The following DNAJC3 variants were observed in gnomAD, a reference collection of about 807,000 sequenced individuals.
DNAJC3 encodes the protein dnaJ homolog subfamily C member 3.
A neutral mutation model predicts 68.6 loss-of-function variants in DNAJC3; 38 were observed. The ratio of observed to expected loss-of-function variants is 0.55; its 90% CI spans 0.43 to 0.73. The LOEUF is 0.73. DNAJC3 is among the 30% of genes least tolerant of loss of function. DNAJC3 has a pLI of 0.00. For missense variants in DNAJC3, 526 were observed against 591.9 expected, an observed-to-expected ratio of 0.89 and a Z score of 1.16; for synonymous variants, 203 against 204.0, an observed-to-expected ratio of 1.00 and a Z score of 0.04.
At chr13:95,762,087 A>G (rs1882841724) in intron 7 of DNAJC3, among the ~76,000 whole-genome samples, 1 of 152,100 alleles carries the variant, frequency 6.6e-6, no homozygotes, top group Admixed American at 6.5e-5. Context: ...ACACGGAGAA[A>G]CCCTGTCTCT....
intron 9 of DNAJC3, among the ~76,000 whole-genome samples, chr13:95,764,681 T>TATATATATATAC (rs1882930555): frequency 9.1e-6 from 1 of 110,044 alleles, no homozygotes; most frequent in Non-Finnish European, 1.7e-5. Context: ...TATATATATA[T>TATATATATATAC]ATACACACAC....
chr13:95,687,891 A>G (rs899611466), intron 1 of DNAJC3, among the ~76,000 whole-genome samples: 1 of 152,178 alleles, frequency 6.6e-6, no homozygotes. Flanking sequence ...AATGATATTG[A>G]TTCTTCCAAC....
intron 9 of DNAJC3, among the ~76,000 whole-genome samples, chr13:95,767,440 G>A (rs1331351217): frequency 6.6e-6 from 1 of 152,156 alleles, no homozygotes; most frequent in Non-Finnish European, 1.5e-5. Flanking sequence ...GAACGTTTGT[G>A]TTGTTTCTGC....
intron 9 of DNAJC3, among the ~76,000 whole-genome samples, chr13:95,770,100 C>T (rs1021240232): frequency 1.3e-5 from 2 of 152,100 alleles, no homozygotes; most frequent in African/African-American, 4.8e-5. Flanking sequence ...TTGCCTCTCC[C>T]AGCAGTGACA....
At chr13:95,725,771 C>T (rs1283419697) in intron 4 of DNAJC3, among the ~76,000 whole-genome samples, 1 of 149,810 alleles carries the variant, frequency 6.7e-6, no homozygotes, top group African/African-American at 2.5e-5. Flanking sequence ...TGTGCTGCAC[C>T]CATTAACTCG....
intron 1 of DNAJC3, 79 bp downstream of exon 1, chr13:95,677,416 C>T: frequency 6.9e-7 from 1 of 1,447,636 alleles, no homozygotes; most frequent in East Asian, 2.8e-5. Context: ...GCCCGGGCGC[C>T]TGTCCCGGAG....
chr13:95,785,665 G>T (rs532483564), intron 9 of DNAJC3, among the ~76,000 whole-genome samples: 51 of 150,414 alleles, frequency 3.4e-4, no homozygotes, highest in African/African-American at 1.2e-3. Context: ...GGGTTTCATT[G>T]TGTTGGCCAG....
At chr13:95,743,224 A>G (rs1032478838) in intron 4 of DNAJC3, among the ~76,000 whole-genome samples, 1 of 152,196 alleles carries the variant, frequency 6.6e-6, no homozygotes, top group Non-Finnish European at 1.5e-5. Context: ...AACTTAGCAG[A>G]GTTTATTTGA....
At chr13:95,757,876 C>A in intron 5 of DNAJC3, 80 bp downstream of exon 5, 1 of 1,377,858 alleles carries the variant, frequency 7.3e-7, no homozygotes, top group South Asian at 1.9e-5. Context: ...TGTCACATAC[C>A]ACAAAGACCT....
intron 1 of DNAJC3, among the ~76,000 whole-genome samples, chr13:95,706,320 C>CA (rs1241840286): frequency 6.6e-6 from 1 of 152,052 alleles, no homozygotes; most frequent in African/African-American, 2.4e-5. Flanking sequence ...ACTTTAGTTA[C>CA]AAAAAACGGT....
At chr13:95,747,644 G>A (rs567191907) in intron 4 of DNAJC3, among the ~76,000 whole-genome samples, 1 of 152,268 alleles carries the variant, frequency 6.6e-6, no homozygotes, top group South Asian at 2.1e-4. Context: ...TTTGCTTAGC[G>A]TGATCGACTG....
intron 9 of DNAJC3, among the ~76,000 whole-genome samples, chr13:95,782,514 T>C: frequency 6.6e-6 from 1 of 152,256 alleles, no homozygotes. Context: ...TGTCAGATAG[T>C]ACCTCATTGT....
chr13:95,684,251 T>C (rs1341327331), intron 1 of DNAJC3, among the ~76,000 whole-genome samples: 1 of 152,150 alleles, frequency 6.6e-6, no homozygotes, highest in Admixed American at 6.5e-5. Flanking sequence ...GAGGAACTTA[T>C]TGGGAACTGG....
At chr13:95,746,762 A>G (rs985368747) in intron 4 of DNAJC3, among the ~76,000 whole-genome samples, 2 of 152,206 alleles carry the variant, frequency 1.3e-5, no homozygotes, top group Non-Finnish European at 2.9e-5. Context: ...AGCCAGGTGG[A>G]TATGTTTAGC....
At chr13:95,698,665 C>G (rs1880512732) in intron 1 of DNAJC3, among the ~76,000 whole-genome samples, 1 of 152,130 alleles carries the variant, frequency 6.6e-6, no homozygotes, top group African/African-American at 2.4e-5. Context: ...TCATGCAGTT[C>G]TCCTGGGATT....
intron 2 of DNAJC3, among the ~76,000 whole-genome samples, chr13:95,712,848 A>G (rs1477109168): frequency 6.6e-6 from 1 of 152,174 alleles, no homozygotes; most frequent in Non-Finnish European, 1.5e-5. Context: ...GTGGGAAGTA[A>G]TTTAATCACG....
intron 1 of DNAJC3, among the ~76,000 whole-genome samples, chr13:95,689,482 C>T (rs1293112550): frequency 1.3e-5 from 2 of 151,648 alleles, no homozygotes. Context: ...TGAATCTTCT[C>T]TCTTTTTTTC....
In DNAJC3 at chr13:95,737,048, C is replaced by G. The variant is rs1161144441; in HGVS notation, c.393+11796C>G. Among the ~76,000 whole-genome samples, 6 of 151,620 alleles carry G rather than the reference C, an allele frequency of 4.0e-5. No individual in the cohort carries two copies. In the East Asian group the frequency reaches 1.2e-3, roughly 29 times the overall value. ...AGCCTGAAGGGTTGTTGAATTTTGT[C>G]AAAGGCTTTTTCTGCATCTATTGAG... is the stretch of plus-strand genomic sequence containing the variant. On this transcript the variant is annotated intron_variant, in intron 4 of 11. Transcript: ENST00000602402.
chr13:95,779,371 A>T (rs559782416), intron 9 of DNAJC3, among the ~76,000 whole-genome samples: 1 of 151,966 alleles, frequency 6.6e-6, no homozygotes, highest in African/African-American at 2.4e-5. Flanking sequence ...TGATCTGCCC[A>T]CTGCGGCCTC....
Sources: gnomAD v4.1 joint callset for allele counts (sites outside exome capture counted in the v4.1 genomes callset) on GRCh38, gnomAD v4.1.1 for gene constraint, MANE v1.5 for transcripts, NCBI Gene and HGNC (gene_info 2026-07-23, HGNC 2026-07-21) for gene names.